SPATA16: variants seen among roughly 807,000 people sequenced by gnomAD.
SPATA16 encodes spermatogenesis associated 16, also known as spermatogenesis-associated protein 16.
SPATA16 carries 36 observed loss-of-function variants against 63.3 expected under a neutral mutation model. The observed-to-expected ratio is 0.57, with a 90% CI of 0.44 to 0.75. The LOEUF is 0.75. Among genes scored for constraint, SPATA16 ranks in the 30% least tolerant of loss-of-function variants. The pLI, the probability that SPATA16 is intolerant of heterozygous loss-of-function variation, is 0.00. For synonymous variants in SPATA16, 203 were observed against 216.7 expected (o/e 0.94, Z 0.56); for missense variants, 646 against 679.3 (o/e 0.95, Z 0.54).
At chr3:173,089,245 G>A (rs1737161027) in intron 2 of SPATA16, among the ~76,000 whole-genome samples, 1 of 152,200 alleles carries the variant, frequency 6.6e-6, no homozygotes, top group Admixed American at 6.5e-5. Context: ...ATTCTCTCTG[G>A]TTGTGAATGG....
chr3:173,012,684 T>C (rs1201535645), intron 4 of SPATA16, among the ~76,000 whole-genome samples: 1 of 152,218 alleles, frequency 6.6e-6, no homozygotes, highest in African/African-American at 2.4e-5. Flanking sequence ...GGGAAAGGAC[T>C]TCATATTCAA....
intron 8 of SPATA16, among the ~76,000 whole-genome samples, chr3:172,919,726 G>A (rs1476135935): frequency 6.7e-6 from 1 of 149,644 alleles, no homozygotes; most frequent in Non-Finnish European, 1.5e-5. Flanking sequence ...TGCACAGGCT[G>A]GAGTGCAGTG....
At chr3:173,002,527 G>GAACC (rs1734849090) in intron 4 of SPATA16, among the ~76,000 whole-genome samples, 1 of 152,064 alleles carries the variant, frequency 6.6e-6, no homozygotes, top group Non-Finnish European at 1.5e-5. Flanking sequence ...AGTCTTCCTT[G>GAACC]GGAATTCCTA....
At chr3:173,069,259 G>C (rs1448073429) in intron 2 of SPATA16, among the ~76,000 whole-genome samples, 2 of 151,364 alleles carry the variant, frequency 1.3e-5, no homozygotes, top group East Asian at 3.9e-4. Flanking sequence ...AAGAAAAAAA[G>C]AAAGAAGAGC....
At position 173,126,820 on chromosome 3, in the gene SPATA16, C is replaced by G. The variant is rs1479041114; in HGVS notation, c.-18-9071G>C. ...CTCATTCAGAATTCTGTCTGCCTTACTCCACTGCATCCCACCACAATACAC... is the reference window on the plus strand; with the variant it reads ...CTCATTCAGAATTCTGTCTGCCTTAGTCCACTGCATCCCACCACAATACAC... On this transcript the variant is annotated intron_variant, in intron 1 of 10. Transcript: ENST00000351008. Among the ~76,000 whole-genome samples the G allele has an allele frequency of 2.0e-5, 3 of 152,196 alleles. No individual in the cohort carries two copies. The East Asian group carries it at 5.8e-4, about 29-fold the overall frequency.
At position 173,006,856 on chromosome 3, in the gene SPATA16, G is replaced by C. The variant is rs1040674547; in HGVS notation, c.848+12630C>G. On this transcript the variant is annotated intron_variant, in intron 4 of 10. Coordinates refer to ENST00000351008, the MANE Select transcript of SPATA16 (RefSeq NM_031955.6). Reference sequence around the variant, plus strand: ...ATTTTGTAAGCCAAGAAAAAAAAAAGAAAGAAATAAGCTGCTGCTTGGCAA... The same window carrying C: ...ATTTTGTAAGCCAAGAAAAAAAAAACAAAGAAATAAGCTGCTGCTTGGCAA... Among the ~76,000 whole-genome samples the C allele has an allele frequency of 7.9e-5, 12 of 151,882 alleles. No individual in the cohort carries two copies. The East Asian group carries it at 2.3e-3, about 29-fold the overall frequency.
intron 1 of SPATA16, among the ~76,000 whole-genome samples, chr3:173,134,576 T>G (rs574315489): frequency 6.0e-4 from 92 of 152,170 alleles, no homozygotes; most frequent in Non-Finnish European, 1.1e-3. Context: ...CCTCTTTGCT[T>G]CTTTGCCACG....
At chr3:172,941,936 G>A (rs145801601) in intron 6 of SPATA16, among the ~76,000 whole-genome samples, 1 of 151,786 alleles carries the variant, frequency 6.6e-6, no homozygotes, top group African/African-American at 2.4e-5. Flanking sequence ...ATGAAACTAC[G>A]ATTTTGTTAA....
At chr3:172,964,404 G>A (rs1733860464) in intron 5 of SPATA16, among the ~76,000 whole-genome samples, 1 of 152,186 alleles carries the variant, frequency 6.6e-6, no homozygotes, top group South Asian at 2.1e-4. Flanking sequence ...GAAACTCAGA[G>A]TTACAAGTGT....
At chr3:172,901,278 C>T (rs1732121219) in intron 10 of SPATA16, among the ~76,000 whole-genome samples, 1 of 152,170 alleles carries the variant, frequency 6.6e-6, no homozygotes, top group South Asian at 2.1e-4. Flanking sequence ...CGCATCACTG[C>T]AACCTCCACC....
intron 2 of SPATA16, among the ~76,000 whole-genome samples, chr3:173,066,647 C>T (rs1402104383): frequency 6.6e-6 from 1 of 152,158 alleles, no homozygotes; most frequent in African/African-American, 2.4e-5. Context: ...AGGCTTAGGT[C>T]ACAATGCTTA....
chr3:173,019,604 T>A, intron 3 of SPATA16, 29 bp from the exon 4 acceptor site: 1 of 1,598,732 alleles, frequency 6.3e-7, no homozygotes, highest in Non-Finnish European at 8.6e-7. Context: ...AATGCAAATG[T>A]TATTTGGGTT....
At chr3:173,009,151 T>A (rs562015266) in intron 4 of SPATA16, among the ~76,000 whole-genome samples, 1 of 152,320 alleles carries the variant, frequency 6.6e-6, no homozygotes, top group South Asian at 2.1e-4. Flanking sequence ...TGGTTCAAGA[T>A]GGCAGACTAG....
chr3:172,980,466 G>A (rs1229357428), intron 4 of SPATA16, among the ~76,000 whole-genome samples: 2 of 152,132 alleles, frequency 1.3e-5, no homozygotes, highest in African/African-American at 4.8e-5. Context: ...TGTACTGAAT[G>A]TTGTACCTGC....
intron 4 of SPATA16, among the ~76,000 whole-genome samples, chr3:173,006,123 C>T (rs1462391546): frequency 1.3e-5 from 2 of 152,114 alleles, no homozygotes; most frequent in Non-Finnish European, 2.9e-5. Flanking sequence ...TGGCAAATGA[C>T]TCAATCTGTC....
chr3:173,040,830 C>T (rs1025205823), intron 3 of SPATA16, among the ~76,000 whole-genome samples: 2 of 152,046 alleles, frequency 1.3e-5, no homozygotes, highest in Admixed American at 1.3e-4. Context: ...ATAAAGGGCC[C>T]AGTTTCCACC....
chr3:173,064,820 A>G (rs1368295504), intron 2 of SPATA16, among the ~76,000 whole-genome samples: 1 of 152,218 alleles, frequency 6.6e-6, no homozygotes, highest in Non-Finnish European at 1.5e-5. Flanking sequence ...CAGAGTGTAG[A>G]TACAGAATGT....
intron 2 of SPATA16, among the ~76,000 whole-genome samples, chr3:173,099,589 T>C (rs968048338): frequency 2.0e-5 from 3 of 152,130 alleles, no homozygotes; most frequent in Non-Finnish European, 4.4e-5. Context: ...AATTTTGTGG[T>C]TGGAGAATAG....
chr3:172,901,684 G>C (rs895606260), intron 10 of SPATA16, among the ~76,000 whole-genome samples: 1 of 152,084 alleles, frequency 6.6e-6, no homozygotes, highest in Non-Finnish European at 1.5e-5. Flanking sequence ...AGAGGTTCAG[G>C]TTCCCAATTC....
Sources: allele counts gnomAD v4.1 joint callset (sites outside exome capture counted in the v4.1 genomes callset), GRCh38; gene constraint gnomAD v4.1.1; transcripts MANE v1.5; gene names NCBI Gene and HGNC (gene_info 2026-07-23, HGNC 2026-07-21).